Variants in FAM193A observed in about 807,000 individuals in gnomAD.
FAM193A encodes the protein protein FAM193A.
A neutral mutation model predicts 126.5 loss-of-function variants in FAM193A; 22 were observed. That is an observed-to-expected ratio of 0.17 (90% confidence interval 0.12 to 0.25). The LOEUF is 0.25. FAM193A is among the 10% of genes least tolerant of loss of function. The probability of loss-of-function intolerance (pLI) is 1.00; values close to 1 mark genes in which losing one functional copy is unlikely to be tolerated. For missense variants in FAM193A, 1,675 were observed against 1,672.8 expected (o/e 1.00, Z -0.02); for synonymous variants, 761 against 646.8 (o/e 1.18, Z -2.68).
chr4:2,659,384 C>G (rs1344503628), intron 8 of FAM193A, among the ~76,000 whole-genome samples, 174 bp from the exon 9 acceptor site: 2 of 152,190 alleles, frequency 1.3e-5, no homozygotes, highest in Non-Finnish European at 2.9e-5. Context: ...CTTTGCAGCT[C>G]AGCCCCCAGC....
chr4:2,651,805 C>T (rs1745697704), intron 7 of FAM193A, among the ~76,000 whole-genome samples: 1 of 152,188 alleles, frequency 6.6e-6, no homozygotes, highest in South Asian at 2.1e-4. Flanking sequence ...GGCAGGGAAG[C>T]ATAAGAGGTT....
intron 13 of FAM193A, among the ~76,000 whole-genome samples, chr4:2,688,612 G>A (rs942042769): frequency 2.0e-5 from 3 of 152,204 alleles, no homozygotes; most frequent in Non-Finnish European, 4.4e-5. Flanking sequence ...CCAGAGCCTT[G>A]GGAAGCCATT....
At position 2,696,206 on chromosome 4, in the gene FAM193A, G is replaced by A. The variant is rs541650352; in HGVS notation, c.3277-157G>A. ...CCACTTTTGGGTGACTTGCTGATAG[G>A]TTTTTCTCTTTTTCTGCTGGTTGTT... On this transcript the variant is annotated intron_variant, in intron 17 of 20. Coordinates refer to ENST00000637812, the MANE Select transcript of FAM193A (RefSeq NM_001366318.2). 24 of 593,134 alleles carry A rather than the reference G, an allele frequency of 4.0e-5. No homozygotes were observed. The East Asian group carries it at 6.3e-4, about 16-fold the overall frequency. 36.7% of individuals were successfully genotyped at this position (593,134 alleles called of 1,614,324 possible).
chr4:2,563,525 C>CA (rs149318728), intron 1 of FAM193A, among the ~76,000 whole-genome samples: 37,266 of 143,658 alleles, frequency 0.26, 5,300 homozygotes, highest in Middle Eastern at 0.36. Context: ...GTCATCTCTA[C>CA]AAAAAAAAAC....
At chr4:2,607,903 C>T in intron 2 of FAM193A, 4 of 1,004,358 alleles carry the variant, frequency 4.0e-6, no homozygotes, top group African/African-American at 1.7e-5. Flanking sequence ...TCTTTTTTGT[C>T]TGTTTTTCAC....
chr4:2,679,723 C>G (rs1464899078), intron 13 of FAM193A, among the ~76,000 whole-genome samples: 1 of 151,986 alleles, frequency 6.6e-6, no homozygotes, highest in Non-Finnish European at 1.5e-5. Flanking sequence ...TGGGGATATG[C>G]TCAGGACATG....
intron 20 of FAM193A, among the ~76,000 whole-genome samples, chr4:2,721,204 T>G (rs1424053951): frequency 6.6e-6 from 1 of 150,498 alleles, no homozygotes; most frequent in Non-Finnish European, 1.5e-5. Flanking sequence ...TCCCAGCTAC[T>G]CGGGAGGCTG....
chr4:2,540,450 A>G (rs1035205448), intron 1 of FAM193A, among the ~76,000 whole-genome samples: 29 of 151,910 alleles, frequency 1.9e-4, no homozygotes, highest in African/African-American at 6.8e-4. Flanking sequence ...CCTGGGCGAC[A>G]GAGCGAGACT....
chr4:2,624,806 T>C (rs1742793428), intron 2 of FAM193A, among the ~76,000 whole-genome samples: 1 of 152,228 alleles, frequency 6.6e-6, no homozygotes, highest in Admixed American at 6.5e-5. Context: ...CTTCCCAAAA[T>C]GGTGGGATTA....
intron 1 of FAM193A, among the ~76,000 whole-genome samples, chr4:2,548,432 A>G (rs1737703474): frequency 6.6e-6 from 1 of 151,268 alleles, no homozygotes; most frequent in Non-Finnish European, 1.5e-5. Context: ...GTCATATATA[A>G]TTTGCCAACA....
intron 20 of FAM193A, among the ~76,000 whole-genome samples, chr4:2,730,821 A>G (rs893104889): frequency 6.6e-6 from 1 of 152,110 alleles, no homozygotes. Flanking sequence ...TGAACCTGGG[A>G]GGCAGAGGTT....
chr4:2,575,738 T>G, intron 1 of FAM193A, among the ~76,000 whole-genome samples: 1 of 151,984 alleles, frequency 6.6e-6, no homozygotes, highest in South Asian at 2.1e-4. Context: ...AAGTGTGGGA[T>G]TACAGACGTG....
chr4:2,543,889 A>C (rs867992580), intron 1 of FAM193A, among the ~76,000 whole-genome samples: 74 of 151,172 alleles, frequency 4.9e-4, no homozygotes, highest in African/African-American at 1.6e-3. Context: ...AAAAAAAAAA[A>C]AAAAAACCAA....
chr4:2,555,116 T>G (rs1254004199), intron 1 of FAM193A, among the ~76,000 whole-genome samples: 1 of 152,194 alleles, frequency 6.6e-6, no homozygotes, highest in African/African-American at 2.4e-5. Context: ...TTTGGTGCTA[T>G]TATAGGATGC....
chr4:2,553,814 C>T (rs184835692), intron 1 of FAM193A, among the ~76,000 whole-genome samples: 9 of 152,094 alleles, frequency 5.9e-5, no homozygotes, highest in Non-Finnish European at 1.0e-4. Context: ...AGGTCTTTCC[C>T]GTGCTGTTCT....
At chr4:2,692,000 C>T (rs1716440843) in intron 15 of FAM193A, among the ~76,000 whole-genome samples, 1 of 152,064 alleles carries the variant, frequency 6.6e-6, no homozygotes. Flanking sequence ...TGGAGGTTAA[C>T]AAGGGATATC....
At chr4:2,717,500 G>A (rs963390657) in intron 20 of FAM193A, among the ~76,000 whole-genome samples, 8 of 151,616 alleles carry the variant, frequency 5.3e-5, no homozygotes, top group East Asian at 3.9e-4. Context: ...GGAGGCTGAG[G>A]CAGGAGAATT....
intron 3 of FAM193A, among the ~76,000 whole-genome samples, chr4:2,625,827 AG>A (rs1443151758): frequency 2.0e-5 from 3 of 150,856 alleles, no homozygotes; most frequent in Non-Finnish European, 2.9e-5. Context: ...TCCAGGCTCA[AG>A]TGATCCTCCC....
intron 1 of FAM193A, among the ~76,000 whole-genome samples, chr4:2,552,599 A>G (rs1016132632): frequency 6.6e-6 from 1 of 150,738 alleles, no homozygotes; most frequent in Admixed American, 6.6e-5. Flanking sequence ...GTGCAGTGAC[A>G]CGATTTCTGC....
Sources: gnomAD v4.1 joint callset for allele counts (sites outside exome capture counted in the v4.1 genomes callset) on GRCh38, gnomAD v4.1.1 for gene constraint, MANE v1.5 for transcripts, NCBI Gene and HGNC (gene_info 2026-07-23, HGNC 2026-07-21) for gene names.